EYS: variants seen among roughly 807,000 people sequenced by gnomAD.
EYS encodes the protein EGF-like photoreceptor maintenance factor, also known as protein eyes shut homolog.
In EYS, 250 loss-of-function variants were observed where a neutral mutation model predicts 282.1. That is an observed-to-expected ratio of 0.89 (90% confidence interval 0.80 to 0.98). The LOEUF is 0.98. EYS is among the 50% of genes least tolerant of loss of function. The probability of loss-of-function intolerance (pLI) is 0.00; values close to 1 mark genes in which losing one functional copy is unlikely to be tolerated. For synonymous variants in EYS, 1,355 were observed against 1,282.9 expected, an observed-to-expected ratio of 1.06 and a Z score of -1.20; for missense variants, 4,016 against 3,709.0, an observed-to-expected ratio of 1.08 and a Z score of -2.15.
Position 64,298,407 on chromosome 6 carries a change from TC to T in EYS, c.6191+8562del, listed in dbSNP as rs1769113962. 2.0e-5 allele frequency among the ~76,000 whole-genome samples: 3 copies of T among 152,234 alleles called. No homozygotes were observed. In the South Asian group the frequency reaches 6.2e-4, roughly 32 times the overall value. ...TGTATAAAGATGTAATTTTGTGCCA[TC>T]AACAATCAAAAGGAGTGGGAACAGA... is the stretch of plus-strand genomic sequence containing the variant. On this transcript the variant is annotated intron_variant, in intron 30 of 42. Coordinates refer to ENST00000503581, the MANE Select transcript of EYS (RefSeq NM_001142800.2).
chr6:64,952,100 A>T (rs1295827274), intron 14 of EYS, among the ~76,000 whole-genome samples: 1 of 152,032 alleles, frequency 6.6e-6, no homozygotes, highest in African/African-American at 2.4e-5. Context: ...AAAGGGACAC[A>T]AAGATCACAA....
At chr6:64,717,531 A>C (rs1771436150) in intron 22 of EYS, among the ~76,000 whole-genome samples, 1 of 152,216 alleles carries the variant, frequency 6.6e-6, no homozygotes, top group Non-Finnish European at 1.5e-5. Flanking sequence ...AGTGATAGGG[A>C]GTAGCTGTAC....
At chr6:65,268,152 AAC>A (rs1352721225) in intron 12 of EYS, among the ~76,000 whole-genome samples, 2 of 152,034 alleles carry the variant, frequency 1.3e-5, no homozygotes, top group Non-Finnish European at 2.9e-5. Context: ...ATACCTATGA[AAC>A]ACACACTGGT....
chr6:64,062,691 CA>C (rs1023609648), intron 33 of EYS, among the ~76,000 whole-genome samples: 1,837 of 58,968 alleles, frequency 0.031, 21 homozygotes, highest in African/African-American at 0.086. Flanking sequence ...AACTCCAACT[CA>C]AAAAAAAAAA....
chr6:63,738,626 T>TACCTAATGCTA, intron 41 of EYS, among the ~76,000 whole-genome samples: 2 of 147,790 alleles, frequency 1.4e-5, no homozygotes, highest in Middle Eastern at 6.9e-3. Flanking sequence ...TTAGGAGATA[T>TACCTAATGCTA]ACCTAATGCT....
intron 31 of EYS, among the ~76,000 whole-genome samples, chr6:64,141,884 C>G (rs1190818956): frequency 2.0e-5 from 3 of 152,140 alleles, no homozygotes; most frequent in Non-Finnish European, 4.4e-5. Context: ...CACTCTCTCC[C>G]CCACCCAAAT....
intron 12 of EYS, among the ~76,000 whole-genome samples, chr6:65,244,499 GAACT>G (rs1212918552): frequency 2.0e-5 from 3 of 150,462 alleles, no homozygotes; most frequent in African/African-American, 7.4e-5. Flanking sequence ...TTAATTATCC[GAACT>G]ATTTATTTAT....
intron 5 of EYS, among the ~76,000 whole-genome samples, chr6:65,486,716 T>C (rs1006550842): frequency 6.6e-6 from 1 of 152,140 alleles, no homozygotes; most frequent in African/African-American, 2.4e-5. Flanking sequence ...TGGAAATAAA[T>C]TGAGAGAGTC....
intron 19 of EYS, among the ~76,000 whole-genome samples, chr6:64,844,954 C>A (rs1765675007): frequency 6.6e-6 from 1 of 151,978 alleles, no homozygotes; most frequent in South Asian, 2.1e-4. Flanking sequence ...AGACACATAC[C>A]CTATGCAACT....
At chr6:65,593,555 G>T (rs1180165885) in intron 2 of EYS, among the ~76,000 whole-genome samples, 2 of 151,964 alleles carry the variant, frequency 1.3e-5, no homozygotes, top group Non-Finnish European at 2.9e-5. Flanking sequence ...AATGTTTAGA[G>T]TTTGAAAAGT....
chr6:65,635,468 T>C (rs1035472834), intron 2 of EYS, among the ~76,000 whole-genome samples: 5 of 152,166 alleles, frequency 3.3e-5, no homozygotes, highest in African/African-American at 1.2e-4. Context: ...TTAGTTTATA[T>C]GACTTTTATC....
chr6:64,927,215 A>C (rs531241477), intron 15 of EYS, among the ~76,000 whole-genome samples: 2 of 152,304 alleles, frequency 1.3e-5, no homozygotes, highest in Admixed American at 1.3e-4. Context: ...GAAACACATA[A>C]AATGGATTCC....
intron 5 of EYS, among the ~76,000 whole-genome samples, chr6:65,423,205 A>T (rs1485614342): frequency 6.6e-6 from 1 of 151,848 alleles, no homozygotes; most frequent in African/African-American, 2.4e-5. Context: ...GAGAAGGGGG[A>T]GGAGTAAATA....
chr6:65,206,354 C>A (rs532360655), intron 12 of EYS, among the ~76,000 whole-genome samples: 10 of 151,274 alleles, frequency 6.6e-5, no homozygotes, highest in Non-Finnish European at 1.2e-4. Flanking sequence ...AATGTAAATC[C>A]TGAACAGACC....
chr6:65,194,382 C>A (rs987260347), intron 12 of EYS, among the ~76,000 whole-genome samples: 1 of 152,006 alleles, frequency 6.6e-6, no homozygotes, highest in East Asian at 1.9e-4. Context: ...ACAGAATATT[C>A]ATAGTCACAT....
intron 12 of EYS, among the ~76,000 whole-genome samples, chr6:65,109,657 T>TAAAA (rs111607590): frequency 9.5e-5 from 13 of 136,288 alleles, no homozygotes; most frequent in East Asian, 4.4e-4. Flanking sequence ...ACTCCTTACA[T>TAAAA]AAAAAAAAAA....
intron 5 of EYS, among the ~76,000 whole-genome samples, chr6:65,418,081 T>C (rs1767311252): frequency 6.6e-6 from 1 of 152,024 alleles, no homozygotes; most frequent in Admixed American, 6.6e-5. Context: ...GACTGTGAGG[T>C]ATAATTTTTG....
intron 12 of EYS, among the ~76,000 whole-genome samples, chr6:65,295,330 G>T (rs1324382592): frequency 6.6e-6 from 1 of 151,868 alleles, no homozygotes; most frequent in Non-Finnish European, 1.5e-5. Flanking sequence ...AACCTTAAAA[G>T]CTGCCTTATT....
intron 22 of EYS, among the ~76,000 whole-genome samples, chr6:64,725,558 T>A (rs1488148296): frequency 6.6e-6 from 1 of 152,202 alleles, no homozygotes; most frequent in Non-Finnish European, 1.5e-5. Context: ...AGCCCTATTA[T>A]GAATACAATA....
Sources: allele counts gnomAD v4.1 joint callset (sites outside exome capture counted in the v4.1 genomes callset), GRCh38; gene constraint gnomAD v4.1.1; transcripts MANE v1.5; gene names NCBI Gene and HGNC (gene_info 2026-07-23, HGNC 2026-07-21).